SUCO: variants seen among roughly 807,000 people sequenced by gnomAD.
SUCO encodes SUN domain containing ossification factor, also known as SUN domain-containing ossification factor.
A neutral mutation model predicts 148.1 loss-of-function variants in SUCO; 57 were observed. That is an observed-to-expected ratio of 0.38 (90% CI 0.31 to 0.48). The LOEUF (loss-of-function observed/expected upper bound fraction) is 0.48, where lower values mean the gene tolerates loss of function less well. Among genes scored for constraint, SUCO ranks in the 20% least tolerant of loss-of-function variants. The pLI, the probability that SUCO is intolerant of heterozygous loss-of-function variation, is 0.96. For synonymous variants in SUCO, 470 were observed against 502.7 expected, an observed-to-expected ratio of 0.93 and a Z score of 0.87; for missense variants, 1,331 against 1,468.2, an observed-to-expected ratio of 0.91 and a Z score of 1.53.
chr1:172,609,363 T>G, intron 23 of SUCO: 3 of 981,746 alleles, frequency 3.1e-6, no homozygotes, highest in Non-Finnish European at 3.6e-6. Flanking sequence ...TTGGGCTTTG[T>G]AGGCAAATAG....
At chr1:172,550,965 A>G (rs183305014) in intron 1 of SUCO, 1 of 708,132 alleles carries the variant, frequency 1.4e-6, no homozygotes, top group East Asian at 1.3e-4. Flanking sequence ...GTATGTTCCT[A>G]GAGACTTTCT....
In SUCO at chr1:172,541,954, G is replaced by A. The variant is rs1308708630; in HGVS notation, c.62+8457G>A. 5.4e-6 allele frequency: 3 copies of A among 558,152 alleles called. No homozygotes were observed. In the African/African-American group the frequency reaches 6.2e-5, roughly 11 times the overall value. The allele number at this position is 558,152 out of a possible 1,614,324, so 34.6% of individuals were successfully genotyped here. A position where few individuals can be genotyped will look rare whatever the true frequency, so the allele number is the denominator to read the frequency against. On this transcript the variant is annotated intron_variant, in intron 1 of 23. Transcript: ENST00000263688. ...ACTTGGGCAACTAGAAGAATTGGTG[G>A]TGGTCAAAAAGAAGTGGAAGAGTTG...
At chr1:172,556,666 C>T (rs923210350) in intron 4 of SUCO, 24 of 984,542 alleles carry the variant, frequency 2.4e-5, no homozygotes, top group African/African-American at 1.0e-4. Context: ...GAAGGAGTTG[C>T]ACAAGATATT....
At chr1:172,556,064 T>C (rs1228980868) in intron 4 of SUCO, 41 bp downstream of exon 4, 2 of 1,499,716 alleles carry the variant, frequency 1.3e-6, no homozygotes, top group Non-Finnish European at 1.8e-6. Context: ...AGAATCTCCT[T>C]AGTTAGTGAT....
chr1:172,566,238 C>G (rs1654544915), intron 6 of SUCO, among the ~76,000 whole-genome samples: 1 of 152,256 alleles, frequency 6.6e-6, no homozygotes, highest in African/African-American at 2.4e-5. Flanking sequence ...CTGGTCATCT[C>G]ACCTGCTGCC....
intron 6 of SUCO, chr1:172,568,530 A>G: frequency 2.5e-6 from 2 of 801,122 alleles, no homozygotes; most frequent in Non-Finnish European, 3.0e-6. Context: ...TCTAAAATGT[A>G]AAGTTTTGTT....
intron 19 of SUCO, among the ~76,000 whole-genome samples, chr1:172,592,759 G>A (rs1001807356): frequency 6.6e-5 from 10 of 152,168 alleles, no homozygotes; most frequent in African/African-American, 2.4e-4. Flanking sequence ...TGGCAATGTG[G>A]GCTCTTTTTT....
chr1:172,567,842 C>T (rs536463991), intron 6 of SUCO, among the ~76,000 whole-genome samples: 54 of 152,334 alleles, frequency 3.5e-4, no homozygotes, highest in African/African-American at 1.2e-3. Flanking sequence ...CACAGACTAT[C>T]ACACTTTAAA....
intron 15 of SUCO, among the ~76,000 whole-genome samples, 172 bp from the exon 16 acceptor site, chr1:172,584,846 T>C (rs1001910903): frequency 3.3e-5 from 5 of 152,234 alleles, no homozygotes; most frequent in Admixed American, 1.3e-4. Context: ...CTTTACACTT[T>C]TGGCTAAAAT....
At chr1:172,593,964 G>T (rs1226135771) in intron 19 of SUCO, among the ~76,000 whole-genome samples, 1 of 152,140 alleles carries the variant, frequency 6.6e-6, no homozygotes, top group Non-Finnish European at 1.5e-5. Context: ...CCTGTTATTG[G>T]TCTATTCAGA....
intron 3 of SUCO, among the ~76,000 whole-genome samples, chr1:172,554,063 A>T (rs972576072): frequency 6.6e-6 from 1 of 152,216 alleles, no homozygotes; most frequent in Non-Finnish European, 1.5e-5. Flanking sequence ...CTTTCTTTTT[A>T]AAAAAATACA....
At chr1:172,581,656 C>T (rs191135815) in intron 15 of SUCO, among the ~76,000 whole-genome samples, 1 of 152,292 alleles carries the variant, frequency 6.6e-6, no homozygotes, top group East Asian at 1.9e-4. Flanking sequence ...TTGAGTTTGA[C>T]TATAATCATC....
rs1353126840 is a variant in SUCO at position 172,588,802 on chromosome 1, A to T, written c.1701A>T (p.Ser567=). 1 of 1,580,248 alleles carries T rather than the reference A, an allele frequency of 6.3e-7. No homozygotes were observed. Reference sequence around the variant, plus strand: ...TACACACACATGACATGGAGCCGTCAACACCAGATACTCCAAAAGAGAGTC... The same window carrying T: ...TACACACACATGACATGGAGCCGTCTACACCAGATACTCCAAAAGAGAGTC... ...TEVHTHDMEP[S]TPDTPKESPI... Residue 567 remains serine, a synonymous_variant, in exon 18 of 24, where the codon TCA becomes TCT. Transcript: ENST00000263688.
At chr1:172,552,643 G>C in intron 2 of SUCO, 1 of 980,234 alleles carries the variant, frequency 1.0e-6, no homozygotes, top group Non-Finnish European at 1.2e-6. Context: ...AAGACTTGCC[G>C]CATATCTCAA....
chr1:172,551,269 C>T (rs577611751), intron 1 of SUCO, among the ~76,000 whole-genome samples: 39 of 152,160 alleles, frequency 2.6e-4, no homozygotes, highest in African/African-American at 8.9e-4. Flanking sequence ...CTGGTGAAGA[C>T]TTTCCTGTTG....
intron 22 of SUCO, among the ~76,000 whole-genome samples, chr1:172,607,375 T>G (rs1657927959): frequency 1.3e-5 from 2 of 151,562 alleles, no homozygotes; most frequent in Admixed American, 1.3e-4. Flanking sequence ...TGCAAGTTCA[T>G]GCATGGCTTC....
At chr1:172,574,669 A>T (rs183278194) in intron 10 of SUCO, among the ~76,000 whole-genome samples, 264 of 152,106 alleles carry the variant, frequency 1.7e-3, no homozygotes, top group Admixed American at 3.5e-3. Context: ...TGTACACATT[A>T]TTTTTTGTTC....
At chr1:172,538,733 T>A (rs77941226) in intron 1 of SUCO, among the ~76,000 whole-genome samples, 10,088 of 152,238 alleles carry the variant, frequency 0.066, 495 homozygotes, top group Middle Eastern at 0.12. Flanking sequence ...GAACTTAATG[T>A]GAAAGACTGA....
rs375496148 is a variant in SUCO, at chr1:172,589,608, A to G, written c.2507A>G (p.Asn836Ser). 4.4e-5 allele frequency: 71 copies of G among 1,613,920 alleles called. No individual in the cohort carries two copies. The African/African-American group carries it at 6.7e-4, about 15-fold the overall frequency. ...PPINTATVPD[N>S]EDGEAKMNIA... ...ATAAATACAGCCACTGTACCCGACA[A>G]TGAAGATGGGGAAGCCAAAATGAAT... The change falls in exon 18 of 24, where the codon AAT becomes AGT. Residue 836 changes from asparagine (N) to serine (S), a missense_variant. Coordinates refer to ENST00000263688, the MANE Select transcript of SUCO (RefSeq NM_014283.5).
Sources: gnomAD v4.1 joint callset for allele counts (sites outside exome capture counted in the v4.1 genomes callset) on GRCh38, gnomAD v4.1.1 for gene constraint, MANE v1.5 for transcripts, NCBI Gene and HGNC (gene_info 2026-07-23, HGNC 2026-07-21) for gene names.